PTPRG: variants seen among roughly 807,000 people sequenced by gnomAD.
PTPRG encodes receptor-type tyrosine-protein phosphatase gamma.
Under a neutral mutation model 165.3 loss-of-function variants are expected in PTPRG, and 102 were observed. The ratio of observed to expected loss-of-function variants is 0.62; its 90% CI spans 0.53 to 0.73. The LOEUF (loss-of-function observed/expected upper bound fraction) is 0.73. Ranked by LOEUF, PTPRG falls within the 30% of genes least tolerant of loss-of-function variation. The pLI, the probability that PTPRG is intolerant of heterozygous loss-of-function variation, is 0.00. For synonymous variants in PTPRG, 675 were observed against 669.5 expected (o/e 1.01, Z -0.13); for missense variants, 1,866 against 1,861.4 (o/e 1.00, Z -0.05).
At chr3:62,094,454 G>C (rs1702043150) in intron 5 of PTPRG, among the ~76,000 whole-genome samples, 1 of 152,302 alleles carries the variant, frequency 6.6e-6, no homozygotes, top group African/African-American at 2.4e-5. Context: ...CTGAAATCTG[G>C]ATGGTGCTAT....
At chr3:61,754,402 A>G (rs1301577938) in intron 2 of PTPRG, among the ~76,000 whole-genome samples, 2 of 152,210 alleles carry the variant, frequency 1.3e-5, no homozygotes, top group Non-Finnish European at 2.9e-5. Context: ...ACCTCACTAC[A>G]CTGTTCATAT....
intron 5 of PTPRG, among the ~76,000 whole-genome samples, chr3:62,103,860 G>A (rs921908787): frequency 6.6e-6 from 1 of 152,156 alleles, no homozygotes; most frequent in African/African-American, 2.4e-5. Context: ...AATTTTGCAG[G>A]TAGACCCAAA....
At position 62,255,704 on chromosome 3, in the gene PTPRG, T is replaced by C. The variant is rs1701521907; in HGVS notation, c.2559+489T>C. 2.6e-5 allele frequency among the ~76,000 whole-genome samples: 4 copies of C among 152,184 alleles called. No homozygotes were observed. On this transcript the variant is annotated intron_variant, in intron 16 of 29. Transcript: ENST00000474889. The surrounding 1 kb of genome is among the most constrained non-coding windows in gnomAD (Gnocchi z 4.0). ...TCCCATTTTTGAAAAATGGCACCAATGTCACCTACATTGTAACGTCGTTGG... is the reference window on the plus strand; with the variant it reads ...TCCCATTTTTGAAAAATGGCACCAACGTCACCTACATTGTAACGTCGTTGG...
At chr3:61,662,459 C>T (rs1702692979) in intron 1 of PTPRG, among the ~76,000 whole-genome samples, 1 of 152,206 alleles carries the variant, frequency 6.6e-6, no homozygotes, top group East Asian at 1.9e-4. Flanking sequence ...GTGCAGCCAA[C>T]ACTTGACTGT....
chr3:62,198,808 A>G (rs1364109145), intron 10 of PTPRG, among the ~76,000 whole-genome samples: 1 of 152,264 alleles, frequency 6.6e-6, no homozygotes, highest in Non-Finnish European at 1.5e-5. Flanking sequence ...TGAGATTTCA[A>G]TCAGAGACAA....
chr3:61,640,003 C>G (rs1037328183), intron 1 of PTPRG, among the ~76,000 whole-genome samples: 2 of 152,124 alleles, frequency 1.3e-5, no homozygotes, highest in African/African-American at 4.8e-5. Context: ...AATAAAAACT[C>G]AACACATACT....
At chr3:61,712,337 T>TC (rs1217241784) in intron 1 of PTPRG, among the ~76,000 whole-genome samples, 2 of 152,164 alleles carry the variant, frequency 1.3e-5, no homozygotes, top group East Asian at 1.9e-4. Flanking sequence ...TAAGACTTTT[T>TC]TTTTTTAAAG....
chr3:62,062,105 G>C (rs963667152), intron 4 of PTPRG, among the ~76,000 whole-genome samples: 4 of 151,844 alleles, frequency 2.6e-5, no homozygotes, highest in African/African-American at 9.7e-5. Context: ...TTCGAGACCA[G>C]CCTGACCAAC....
chr3:61,631,310 C>T (rs965002826), intron 1 of PTPRG, among the ~76,000 whole-genome samples: 2 of 152,150 alleles, frequency 1.3e-5, no homozygotes, highest in African/African-American at 4.8e-5. Context: ...GTTTTGCTTT[C>T]TGTGGTTTCA....
chr3:62,249,345 A>G (rs956834693), intron 15 of PTPRG, among the ~76,000 whole-genome samples: 7 of 152,136 alleles, frequency 4.6e-5, no homozygotes, highest in Admixed American at 2.0e-4. Context: ...AATGAGGTCT[A>G]TCCACTAGAG....
intron 13 of PTPRG, among the ~76,000 whole-genome samples, chr3:62,223,223 G>C (rs547214383): frequency 1.2e-3 from 182 of 152,262 alleles, no homozygotes; most frequent in Non-Finnish European, 2.0e-3. Context: ...CAAAACTGCA[G>C]GAGGGCAAGA....
Position 61,962,010 on chromosome 3 carries a change from C to T in PTPRG, c.191-27615C>T, listed in dbSNP as rs2040163743. Among the ~76,000 whole-genome samples the T allele has an allele frequency of 2.0e-5, 3 of 152,176 alleles. No homozygotes were observed. The South Asian group carries it at 6.2e-4, about 32-fold the overall frequency. The stretch of plus-strand genomic sequence containing the variant: ...AGCTCCCTACACTGAGTTAAATTGC[C>T]TCCCTGGTGCCATGAAGTATTTTTT... On this transcript the variant is annotated intron_variant, in intron 2 of 29. Transcript: ENST00000474889.
At chr3:61,708,342 A>G (rs1176601708) in intron 1 of PTPRG, among the ~76,000 whole-genome samples, 1 of 150,632 alleles carries the variant, frequency 6.6e-6, no homozygotes, top group African/African-American at 2.4e-5. Context: ...GTGTCTCAGG[A>G]GCATGAGGAC....
chr3:61,579,542 C>T (rs1478026583), intron 1 of PTPRG, among the ~76,000 whole-genome samples: 1 of 152,164 alleles, frequency 6.6e-6, no homozygotes, highest in East Asian at 1.9e-4. Context: ...TTGCATTTTC[C>T]AGGTGTAAAA....
intron 2 of PTPRG, among the ~76,000 whole-genome samples, chr3:61,924,230 G>A (rs1268502557): frequency 6.6e-6 from 1 of 152,158 alleles, no homozygotes; most frequent in Non-Finnish European, 1.5e-5. Context: ...TGCCAGAATG[G>A]TCCTGTGACC....
chr3:62,118,590 T>A (rs995933621), intron 5 of PTPRG: 22 of 152,374 alleles, frequency 1.4e-4, no homozygotes, highest in African/African-American at 4.8e-4. Flanking sequence ...ACGACTATTA[T>A]TTTTTAAATT....
chr3:61,588,416 C>A (rs894814251), intron 1 of PTPRG, among the ~76,000 whole-genome samples: 58 of 151,710 alleles, frequency 3.8e-4, no homozygotes, highest in Non-Finnish European at 7.9e-4. Flanking sequence ...GAGTCTTGCC[C>A]TGTTGCCCAG....
chr3:61,879,654 A>G (rs2037832841), intron 2 of PTPRG, among the ~76,000 whole-genome samples: 1 of 152,170 alleles, frequency 6.6e-6, no homozygotes, highest in African/African-American at 2.4e-5. Context: ...TATATACAAG[A>G]GCATGTCATC....
At chr3:61,562,460 C>T (rs573053022) in intron 1 of PTPRG, 88 bp downstream of exon 1, 17 of 1,284,080 alleles carry the variant, frequency 1.3e-5, no homozygotes, top group African/African-American at 2.9e-5. Context: ...CTCCGGCGCC[C>T]GTCCGGGAGA....
Sources: gnomAD v4.1 joint callset for allele counts (sites outside exome capture counted in the v4.1 genomes callset) on GRCh38, gnomAD v4.1.1 for gene constraint, Gnocchi (gnomAD v3.1) non-coding constraint, MANE v1.5 for transcripts, NCBI Gene and HGNC (gene_info 2026-07-23, HGNC 2026-07-21) for gene names.